ATAD5: variants seen among roughly 807,000 people sequenced by gnomAD.
ATAD5 encodes the protein ATPase family AAA domain-containing protein 5.
In ATAD5, 58 loss-of-function variants were observed where a neutral mutation model predicts 176.9. That is an observed-to-expected ratio of 0.33 (90% CI 0.27 to 0.41). The LOEUF (loss-of-function observed/expected upper bound fraction) is 0.41. ATAD5 is among the 10% of genes least tolerant of loss of function. The pLI is 1.00. For synonymous variants in ATAD5, 640 were observed against 712.6 expected, an observed-to-expected ratio of 0.90 and a Z score of 1.62; for missense variants, 1,789 against 2,094.1, an observed-to-expected ratio of 0.85 and a Z score of 2.84.
At position 30,893,874 on chromosome 17, in the gene ATAD5, G is replaced by C. The variant is rs371910087; in HGVS notation, c.5021G>C (p.Arg1674Thr). The C allele has an allele frequency of 3.2e-5, 51 of 1,613,844 alleles. No homozygotes were observed. The highest frequency in any genetic ancestry group is 4.0e-5 in the African/African-American group (3 of 74,928). ...TDVREQNKYG[R>T]NDFSWTNGKV... ...GTAAGGGAACAAAACAAATACGGTA[G>C]AAATGACTTTAGTTGGACAAATGGA... Residue 1674 changes from arginine to threonine, a missense_variant, in exon 21 of 23, where the codon AGA (arginine) becomes ACA (threonine). Arg to Thr is a moderately conservative substitution (Grantham distance 71). Coordinates refer to ENST00000321990, the MANE Select transcript of ATAD5 (RefSeq NM_024857.5).
At chr17:30,865,149 AC>A (rs200304442) in intron 10 of ATAD5, among the ~76,000 whole-genome samples, 104 of 150,530 alleles carry the variant, frequency 6.9e-4, no homozygotes, top group Non-Finnish European at 1.0e-3. Context: ...AAAAAAAAAA[AC>A]CAATGTTTAA....
chr17:30,834,021 C>T (rs148312479), intron 1 of ATAD5, 127 bp from the exon 2 acceptor site: 890 of 798,702 alleles, frequency 1.1e-3, no homozygotes, highest in East Asian at 2.8e-3. Context: ...TAATATATCA[C>T]GTTTTTCACC....
At chr17:30,854,886 G>C (rs1907200197) in intron 6 of ATAD5, among the ~76,000 whole-genome samples, 1 of 151,868 alleles carries the variant, frequency 6.6e-6, no homozygotes, top group South Asian at 2.1e-4. Context: ...AGCCACCCAA[G>C]TAGCTTGGAT....
intron 10 of ATAD5, chr17:30,865,088 C>A (rs1907893760): frequency 6.7e-6 from 1 of 149,602 alleles, no homozygotes; most frequent in Non-Finnish European, 1.5e-5. Flanking sequence ...GTTTATTTTC[C>A]TTTGGGTATA....
At chr17:30,868,661 C>T (rs1466416218) in intron 12 of ATAD5, among the ~76,000 whole-genome samples, 1 of 151,250 alleles carries the variant, frequency 6.6e-6, no homozygotes, top group Non-Finnish European at 1.5e-5. Context: ...CGCCTGCCGC[C>T]ACGCCCGACT....
chr17:30,877,924 C>A, intron 16 of ATAD5, 79 bp from the exon 17 acceptor site: 1 of 1,023,340 alleles, frequency 9.8e-7, no homozygotes, highest in Admixed American at 2.4e-5. Flanking sequence ...TTGTCTCTAA[C>A]AGACATAGAA....
At chr17:30,881,617 A>G (rs572153499) in intron 18 of ATAD5, among the ~76,000 whole-genome samples, 3 of 152,120 alleles carry the variant, frequency 2.0e-5, no homozygotes, top group Admixed American at 1.3e-4. Context: ...TCTTACTTTT[A>G]AATTGTGTTT....
chr17:30,837,332 G>A lies in ATAD5; in HGVS notation c.2076+18G>A. ...TTAGAAAGGTAATTAAAATATTAGA[G>A]AGTCCTATAAGTGCCATTCTGTTTC... On this transcript the variant is annotated intron_variant, in intron 3 of 22. Transcript: ENST00000321990. 3 of 1,472,044 alleles carry A rather than the reference G, an allele frequency of 2.0e-6. No individual in the cohort carries two copies. Among genetic ancestry groups the A allele is most frequent in the Non-Finnish European group, 2.8e-6 (3 of 1,079,640 alleles). 91.2% of individuals were successfully genotyped at this position (1,472,044 alleles called of 1,614,324 possible).
intron 4 of ATAD5, among the ~76,000 whole-genome samples, chr17:30,842,800 A>G (rs1347086708): frequency 6.6e-6 from 1 of 152,132 alleles, no homozygotes. Flanking sequence ...GCTAGAGTTA[A>G]TGGCGCGATC....
At position 30,894,054 on chromosome 17, in the gene ATAD5, G is replaced by A. The variant is rs146763824; in HGVS notation, c.5201G>A (p.Cys1734Tyr). The A allele has an allele frequency of 6.2e-7, 1 of 1,611,852 alleles. No homozygotes were observed. Among genetic ancestry groups the A allele is most frequent in the East Asian group, 2.2e-5 (1 of 44,804 alleles). Reference protein sequence around the residue: ...ISKALETLNSCKKLGRDPTND... With the variant: ...ISKALETLNSYKKLGRDPTND... The stretch of plus-strand genomic sequence containing the variant: ...AAAGCATTGGAAACCTTGAATTCTT[G>A]CAAGAAATTAGGAAGAGATCCAACC... Residue 1734 changes from cysteine (C) to tyrosine (Y), a missense_variant, in exon 21 of 23, where the codon TGC (cysteine) becomes TAC (tyrosine). By Grantham distance (194) the Cys-to-Tyr change is radical. This residue lies in a region of ATAD5 where 403 missense variants were observed against 495.1 expected (regional missense o/e 0.81). Coordinates refer to ENST00000321990, the MANE Select transcript of ATAD5 (RefSeq NM_024857.5).
chr17:30,834,276 T>C lies in ATAD5; in HGVS notation c.195T>C (p.Tyr65=). Reference sequence around the variant, plus strand: ...CAAAACCTAGTAATATTCTGGATTATTTTAGAAAGACTTCACCCACAAATG... The same window carrying C: ...CAAAACCTAGTAATATTCTGGATTACTTTAGAAAGACTTCACCCACAAATG... ...APPKPSNILD[Y]FRKTSPTNEK... The change falls in exon 2 of 23, where the codon TAT becomes TAC. Residue 65 remains tyrosine (Y), a synonymous_variant. Transcript: ENST00000321990. 1 of 1,613,756 alleles carries C rather than the reference T, an allele frequency of 6.2e-7. No individual in the cohort carries two copies. The highest frequency in any genetic ancestry group is 8.5e-7 in the Non-Finnish European group (1 of 1,179,888).
intron 10 of ATAD5, 85 bp from the exon 11 acceptor site, chr17:30,865,619 T>C (rs1168349759): frequency 2.6e-6 from 2 of 776,396 alleles, no homozygotes; most frequent in Admixed American, 3.3e-5. Context: ...TACTGTGACA[T>C]TGTAACAATA....
intron 18 of ATAD5, among the ~76,000 whole-genome samples, chr17:30,884,422 T>C (rs908409282): frequency 1.0e-4 from 14 of 136,666 alleles, no homozygotes; most frequent in African/African-American, 1.7e-4. Context: ...TTCTTTTCTT[T>C]TCTTTTTTTT....
intron 6 of ATAD5, among the ~76,000 whole-genome samples, chr17:30,852,812 C>G (rs1191639603): frequency 1.3e-5 from 2 of 151,992 alleles, no homozygotes; most frequent in African/African-American, 4.8e-5. Flanking sequence ...GAGGACAGCA[C>G]CAATCCGTTC....
At chr17:30,859,420 C>T (rs369932198) in intron 9 of ATAD5, among the ~76,000 whole-genome samples, 2 of 152,020 alleles carry the variant, frequency 1.3e-5, no homozygotes, top group African/African-American at 2.4e-5. Flanking sequence ...AGTGCAGTGG[C>T]GCGATCTCAG....
At chr17:30,894,756 G>A in intron 22 of ATAD5, 34 bp downstream of exon 22, 1 of 1,569,084 alleles carries the variant, frequency 6.4e-7, no homozygotes, top group Non-Finnish European at 8.6e-7. Context: ...ATTTTAGATA[G>A]CTTTTTCAAG....
At chr17:30,870,797 CTT>C (rs2142401113) in intron 14 of ATAD5, among the ~76,000 whole-genome samples, 1 of 152,028 alleles carries the variant, frequency 6.6e-6, no homozygotes, top group South Asian at 2.1e-4. Flanking sequence ...TGTTTCACCT[CTT>C]TGTGTTTATT....
intron 10 of ATAD5, among the ~76,000 whole-genome samples, chr17:30,860,983 T>G (rs1907596738): frequency 6.6e-6 from 1 of 151,984 alleles, no homozygotes; most frequent in African/African-American, 2.4e-5. Context: ...CCAGCTAACT[T>G]TTTGTATTTT....
Position 30,868,258 on chromosome 17 carries a change from G to A in ATAD5, c.3234-75G>A, listed in dbSNP as rs188625856. ...CTAACAATATGCCATAACTTCCCCC[G>A]ATAATCATTTTAACATAAAGTCTAA... On this transcript the variant is annotated intron_variant, in intron 11 of 22. Transcript: ENST00000321990. 406 of 1,235,936 alleles carry A rather than the reference G, an allele frequency of 3.3e-4. 1 individual carries two copies. In the African/African-American group the frequency reaches 5.6e-3, roughly 17 times the overall value. 76.6% of individuals were successfully genotyped at this position (1,235,936 alleles called of 1,614,324 possible).
Sources: gnomAD v4.1 joint callset for allele counts (sites outside exome capture counted in the v4.1 genomes callset) on GRCh38, gnomAD v4.1.1 for gene constraint, gnomAD v4.1.1 regional missense constraint, MANE v1.5 for transcripts, NCBI Gene and HGNC (gene_info 2026-07-23, HGNC 2026-07-21) for gene names.